TMEM45A: variants seen among roughly 807,000 people sequenced by gnomAD.
The protein encoded by TMEM45A is transmembrane protein 45A, also known as DNA polymerase-transactivated protein 4.
A neutral mutation model predicts 32.0 loss-of-function variants in TMEM45A; 25 were observed. The ratio of observed to expected loss-of-function variants is 0.78; its 90% CI spans 0.57 to 1.09. The LOEUF is 1.09. Ranked by LOEUF, TMEM45A falls within the 50% of genes least tolerant of loss-of-function variation. The pLI, the probability that TMEM45A is intolerant of heterozygous loss-of-function variation, is 0.00. For synonymous variants in TMEM45A, 122 were observed against 114.8 expected (o/e 1.06, Z -0.40); for missense variants, 302 against 325.0 (o/e 0.93, Z 0.54).
intron 5 of TMEM45A, 56 bp from the exon 6 acceptor site, chr3:100,576,869 C>T: frequency 7.5e-7 from 1 of 1,340,644 alleles, no homozygotes; most frequent in Non-Finnish European, 1.1e-6. Context: ...GTGCATATTG[C>T]TCTGGGTTTC....
intron 1 of TMEM45A, among the ~76,000 whole-genome samples, chr3:100,533,035 G>T (rs898161443): frequency 6.6e-6 from 1 of 152,044 alleles, no homozygotes; most frequent in African/African-American, 2.4e-5. Flanking sequence ...TTAAAGTGGG[G>T]ATAATAATTA....
chr3:100,546,012 C>G (rs1027842125), intron 1 of TMEM45A, among the ~76,000 whole-genome samples: 4 of 152,128 alleles, frequency 2.6e-5, no homozygotes, highest in Non-Finnish European at 5.9e-5. Context: ...AAATTAGAAC[C>G]TTTACCAGAT....
chr3:100,534,468 T>C (rs1705703897), intron 1 of TMEM45A, among the ~76,000 whole-genome samples: 1 of 152,078 alleles, frequency 6.6e-6, no homozygotes, highest in African/African-American at 2.4e-5. Context: ...GAAGATGCCA[T>C]GCTGCTGGCT....
chr3:100,576,323 C>T (rs977385079), intron 5 of TMEM45A, among the ~76,000 whole-genome samples: 4 of 152,032 alleles, frequency 2.6e-5, no homozygotes, highest in Non-Finnish European at 5.9e-5. Flanking sequence ...TGGTGGTGGG[C>T]GTCTGTAATT....
intron 1 of TMEM45A, among the ~76,000 whole-genome samples, chr3:100,506,839 G>T (rs187781837): frequency 6.6e-6 from 1 of 152,182 alleles, no homozygotes; most frequent in African/African-American, 2.4e-5. Flanking sequence ...GAGCAGTAAG[G>T]ACCAAACCAG....
chr3:100,500,611 C>T (rs964767964), intron 1 of TMEM45A, among the ~76,000 whole-genome samples: 3 of 152,152 alleles, frequency 2.0e-5, no homozygotes, highest in African/African-American at 4.8e-5. Context: ...AGAGAAAGCT[C>T]GGAAGACAAC....
At chr3:100,550,057 AG>A (rs1479732852) in intron 1 of TMEM45A, among the ~76,000 whole-genome samples, 2 of 60,012 alleles carry the variant, frequency 3.3e-5, no homozygotes, top group Non-Finnish European at 6.0e-5. Flanking sequence ...GGGTGGGGGG[AG>A]GGGGGAGGGA....
At chr3:100,541,062 A>C (rs779296787) in intron 1 of TMEM45A, among the ~76,000 whole-genome samples, 1 of 152,142 alleles carries the variant, frequency 6.6e-6, no homozygotes, top group Non-Finnish European at 1.5e-5. Flanking sequence ...TGATTTGGAT[A>C]TCTCTGATGA....
At chr3:100,504,477 T>A (rs146393773) in intron 1 of TMEM45A, among the ~76,000 whole-genome samples, 1 of 152,294 alleles carries the variant, frequency 6.6e-6, no homozygotes, top group Non-Finnish European at 1.5e-5. Flanking sequence ...AGAGTGGTTC[T>A]TGAAAAATAC....
chr3:100,573,596 C>T (rs923683690), intron 5 of TMEM45A: 2 of 152,020 alleles, frequency 1.3e-5, no homozygotes, highest in African/African-American at 4.8e-5. Context: ...CCTTTATTTC[C>T]TTCTCCTGCC....
rs566081581 is a variant in TMEM45A at position 100,557,380 on chromosome 3, C to A, written c.403+408C>A. 5.9e-5 allele frequency among the ~76,000 whole-genome samples: 9 copies of A among 152,194 alleles called. No individual in the cohort carries two copies. The South Asian group carries it at 1.9e-3, about 32-fold the overall frequency. ...ACAGCTTCCACTATCTACTAACAGG[C>A]TTTTTCATATTGATACAGTAATACT... is the stretch of plus-strand genomic sequence containing the variant. On this transcript the variant is annotated intron_variant, in intron 3 of 5. Transcript: ENST00000323523.
In TMEM45A at chr3:100,493,177, T is replaced by C. The variant is rs1166822452; in HGVS notation, c.-4+249T>C. 4.9e-5 allele frequency among the ~76,000 whole-genome samples: 7 copies of C among 142,272 alleles called. No individual in the cohort carries two copies. In the Admixed American group the frequency reaches 5.3e-4, roughly 11 times the overall value. The allele number at this position is 142,272 out of a possible 152,430, so 93.3% of individuals were successfully genotyped here. On this transcript the variant is annotated intron_variant, in intron 1 of 5. Coordinates refer to ENST00000323523, the MANE Select transcript of TMEM45A (RefSeq NM_018004.3). ...GTTTTAAATATCCTGGGAGCAGCAA[T>C]GTGACTGATATTCTGTTGTAAACCT... is the stretch of plus-strand genomic sequence containing the variant.
chr3:100,520,401 A>T (rs1008809764), intron 1 of TMEM45A, among the ~76,000 whole-genome samples: 3 of 152,104 alleles, frequency 2.0e-5, no homozygotes, highest in African/African-American at 7.2e-5. Context: ...ATTGTTTGAG[A>T]GCATAGAATA....
At chr3:100,541,065 T>G (rs1293367158) in intron 1 of TMEM45A, among the ~76,000 whole-genome samples, 2 of 152,226 alleles carry the variant, frequency 1.3e-5, no homozygotes, top group Non-Finnish European at 2.9e-5. Flanking sequence ...TTTGGATATC[T>G]CTGATGATTA....
chr3:100,501,985 A>T (rs1708013846), intron 1 of TMEM45A, among the ~76,000 whole-genome samples: 1 of 152,218 alleles, frequency 6.6e-6, no homozygotes, highest in South Asian at 2.1e-4. Context: ...GGTGAAATTT[A>T]AGGAATTTCT....
chr3:100,576,559 G>T (rs1444953454), intron 5 of TMEM45A, among the ~76,000 whole-genome samples: 1 of 152,086 alleles, frequency 6.6e-6, no homozygotes, highest in Non-Finnish European at 1.5e-5. Flanking sequence ...GGTGGAGGTT[G>T]CAGTGAGCCA....
At chr3:100,498,033 G>C (rs1707956025) in intron 1 of TMEM45A, among the ~76,000 whole-genome samples, 1 of 152,180 alleles carries the variant, frequency 6.6e-6, no homozygotes, top group Non-Finnish European at 1.5e-5. Context: ...GGAGGTGATT[G>C]GATCATGGGG....
chr3:100,531,742 G>C (rs545088190), intron 1 of TMEM45A, among the ~76,000 whole-genome samples: 1 of 152,178 alleles, frequency 6.6e-6, no homozygotes, highest in East Asian at 1.9e-4. Flanking sequence ...CCCCAATTTG[G>C]GGCATACAGT....
intron 1 of TMEM45A, among the ~76,000 whole-genome samples, chr3:100,498,150 T>C (rs1025748464): frequency 2.0e-5 from 3 of 152,212 alleles, no homozygotes; most frequent in Non-Finnish European, 2.9e-5. Flanking sequence ...CCTGCCACCA[T>C]GTGAAGAAGG....
Sources: gnomAD v4.1 joint callset for allele counts (sites outside exome capture counted in the v4.1 genomes callset) on GRCh38, gnomAD v4.1.1 for gene constraint, MANE v1.5 for transcripts, NCBI Gene and HGNC (gene_info 2026-07-23, HGNC 2026-07-21) for gene names.